The following ZNF627 variants were observed in gnomAD, a reference collection of about 807,000 sequenced individuals.
The protein encoded by ZNF627 is zinc finger protein 627.
ZNF627 carries 12 observed loss-of-function variants against 10.6 expected under a neutral mutation model. The observed-to-expected ratio is 1.13, with a 90% CI of 0.73 to 1.84. The LOEUF (loss-of-function observed/expected upper bound fraction) is 1.84, where lower values mean the gene tolerates loss of function less well. Among genes scored for constraint, ZNF627 ranks in the 40% most tolerant of loss-of-function variants. The pLI, the probability that ZNF627 is intolerant of heterozygous loss-of-function variation, is 0.00. For missense variants in ZNF627, 504 were observed against 568.4 expected (o/e 0.89, Z 1.15); for synonymous variants, 176 against 187.1 (o/e 0.94, Z 0.48).
At chr19:11,608,182 A>G (rs1484907377) in intron 1 of ZNF627, among the ~76,000 whole-genome samples, 5 of 152,192 alleles carry the variant, frequency 3.3e-5, no homozygotes, top group Non-Finnish European at 7.3e-5. Context: ...AGAACTCACT[A>G]TCATGAGAAC....
In ZNF627 at chr19:11,613,916, ATTTT is replaced by A. The variant is rs35877992; in HGVS notation, c.4-591_4-588del. 1.5e-3 allele frequency among the ~76,000 whole-genome samples: 143 copies of A among 92,488 alleles called. 1 individual carries two copies. The highest frequency in any genetic ancestry group is 3.5e-3 in the African/African-American group (74 of 20,976). 60.7% of individuals were successfully genotyped at this position (92,488 alleles called of 152,430 possible). ...CTTTTTTCTGCACTCTAGTTACTAG[ATTTT>A]TTTTTTTTTTTTTTTTTTTGAGACG... is the stretch of plus-strand genomic sequence containing the variant. On this transcript the variant is annotated intron_variant, in intron 1 of 3. Coordinates refer to ENST00000361113, the MANE Select transcript of ZNF627 (RefSeq NM_145295.4).
rs142459377 is a variant in ZNF627, at chr19:11,608,522, G to C, written c.4-6005G>C. ...CTTTTTGTCAGTGTATATTTTACAT[G>C]AGACAAAAGCTATTCAAGTGGTGAG... On this transcript the variant is annotated intron_variant, in intron 1 of 3. Transcript: ENST00000361113. Among the ~76,000 whole-genome samples the C allele has an allele frequency of 2.0e-3, 297 of 152,196 alleles. 2 individuals carry two copies. The highest frequency in any genetic ancestry group is 7.0e-3 in the African/African-American group (291 of 41,534).
intron 1 of ZNF627, among the ~76,000 whole-genome samples, chr19:11,598,297 G>A (rs1426851584): frequency 6.6e-6 from 1 of 152,154 alleles, no homozygotes; most frequent in African/African-American, 2.4e-5. Context: ...GCTTTTGGAG[G>A]CCAAGACAGG....
intron 1 of ZNF627, among the ~76,000 whole-genome samples, chr19:11,603,627 A>G (rs1034409401): frequency 6.6e-6 from 1 of 151,826 alleles, no homozygotes; most frequent in East Asian, 1.9e-4. Context: ...ATCATCCTAT[A>G]TGTTATATTG....
At chr19:11,610,885 C>T (rs1973761828) in intron 1 of ZNF627, among the ~76,000 whole-genome samples, 1 of 152,136 alleles carries the variant, frequency 6.6e-6, no homozygotes, top group African/African-American at 2.4e-5. Flanking sequence ...CTGAGTCTTG[C>T]TCTGTTGGCC....
chr19:11,609,029 C>G (rs1448493880), intron 1 of ZNF627, among the ~76,000 whole-genome samples: 1 of 152,046 alleles, frequency 6.6e-6, no homozygotes, highest in Non-Finnish European at 1.5e-5. Flanking sequence ...TGCCACCATG[C>G]TCAGCTAATA....
chr19:11,614,778 T>C (rs201630792), intron 2 of ZNF627, 49 bp from the exon 3 acceptor site: 1 of 1,587,888 alleles, frequency 6.3e-7, no homozygotes, highest in East Asian at 2.3e-5. Context: ...AATACTTTTT[T>C]CATAATTTTA....
At chr19:11,602,560 A>G (rs1034748351) in intron 1 of ZNF627, among the ~76,000 whole-genome samples, 1 of 152,070 alleles carries the variant, frequency 6.6e-6, no homozygotes, top group African/African-American at 2.4e-5. Context: ...ATTTATATGC[A>G]GTTGCTGAGA....
chr19:11,610,111 G>C (rs1055407824), intron 1 of ZNF627, among the ~76,000 whole-genome samples: 18 of 147,138 alleles, frequency 1.2e-4, no homozygotes, highest in East Asian at 1.0e-3. Flanking sequence ...GAGTGCAGTG[G>C]CACAATCTCA....
intron 1 of ZNF627, among the ~76,000 whole-genome samples, chr19:11,605,264 T>G (rs1357110985): frequency 6.6e-6 from 1 of 151,654 alleles, no homozygotes; most frequent in Non-Finnish European, 1.5e-5. Flanking sequence ...TTTTTGTATT[T>G]TTAGTAGAGA....
At chr19:11,608,409 C>CT (rs1450936741) in intron 1 of ZNF627, among the ~76,000 whole-genome samples, 1 of 152,150 alleles carries the variant, frequency 6.6e-6, no homozygotes, top group Non-Finnish European at 1.5e-5. Flanking sequence ...TCAATTATGT[C>CT]TCCCCCATGC....
Position 11,616,764 on chromosome 19 carries a change from AGATGGTATTCTGAACAAGAAAACTCCTG to A in ZNF627, c.264_291del (p.Asp88GlufsTer2). ...GTGAAGAAACCTTCAGCCAGATTCC[AGATGGTATTCTGAACAAGAAAACTCCTG>A]GAGTAAAACCGTGTGAAAGCAGTGT... On this transcript the variant is annotated frameshift_variant, in exon 4 of 4. Coordinates refer to ENST00000361113, the MANE Select transcript of ZNF627 (RefSeq NM_145295.4). LOFTEE classifies it low-confidence loss of function (END_TRUNC). 6.2e-7 allele frequency: 1 copy of A among 1,613,602 alleles called. No individual in the cohort carries two copies. Among genetic ancestry groups the A allele is most frequent in the Admixed American group, 1.7e-5 (1 of 59,996 alleles).
intron 1 of ZNF627, among the ~76,000 whole-genome samples, chr19:11,605,183 A>G (rs567151595): frequency 9.0e-5 from 13 of 144,460 alleles, no homozygotes; most frequent in African/African-American, 3.4e-4. Flanking sequence ...TCCCAGGTTC[A>G]AGCAATTCTC....
chr19:11,603,999 G>A (rs564097833), intron 1 of ZNF627, among the ~76,000 whole-genome samples: 1 of 151,278 alleles, frequency 6.6e-6, no homozygotes, highest in East Asian at 2.0e-4. Flanking sequence ...GGTAGATGGG[G>A]GTCTCACTAT....
Position 11,617,275 on chromosome 19 carries a change from A to G in ZNF627, c.772A>G (p.Lys258Glu). 6.2e-7 allele frequency: 1 copy of G among 1,614,008 alleles called. No individual in the cohort carries two copies. The highest frequency in any genetic ancestry group is 2.2e-5 in the East Asian group (1 of 44,880). The stretch of plus-strand genomic sequence containing the variant: ...ACCCTATGAATGCAAGCAGTGTGGG[A>G]AAGCTTTCAGTTGTTCCAAGTACAT... ...DKPYECKQCG[K>E]AFSCSKYIRI... Residue 258 changes from lysine (K) to glutamate (E), a missense_variant, in exon 4 of 4, where the codon AAA becomes GAA. Physicochemically the swap from Lys to Glu is moderately conservative, Grantham distance 56 (BLOSUM62 1). Coordinates refer to ENST00000361113, the MANE Select transcript of ZNF627 (RefSeq NM_145295.4).
intron 2 of ZNF627, 76 bp downstream of exon 2, chr19:11,614,729 A>T: frequency 6.2e-7 from 1 of 1,608,836 alleles, no homozygotes; most frequent in Non-Finnish European, 8.5e-7. Flanking sequence ...TTGGGGAATA[A>T]ACCAGGCATG....
At chr19:11,605,962 G>A (rs1373552795) in intron 1 of ZNF627, among the ~76,000 whole-genome samples, 1 of 152,150 alleles carries the variant, frequency 6.6e-6, no homozygotes, top group Non-Finnish European at 1.5e-5. Flanking sequence ...CATTCCAAAT[G>A]GGAGAAATTG....
At chr19:11,609,474 TATATATATATATA>T in intron 1 of ZNF627, among the ~76,000 whole-genome samples, 1 of 6,170 alleles carries the variant, frequency 1.6e-4, no homozygotes, top group South Asian at 6.4e-3. Context: ...AAAAATTTTA[TATATATATATATA>T]TATATATATA....
chr19:11,619,110 GTAA>G lies in ZNF627; in HGVS notation c.*1229_*1231del, dbSNP rs1394459730. On this transcript the variant is annotated 3_prime_UTR_variant, in exon 4 of 4. Coordinates refer to ENST00000361113, the MANE Select transcript of ZNF627 (RefSeq NM_145295.4). ...GTTGTCAAAGAGGGTGTAATAAACTGTAATAATAATCATGACCACAAACCATAA... is the reference window on the plus strand; with the variant it reads ...GTTGTCAAAGAGGGTGTAATAAACTGTAATAATCATGACCACAAACCATAA... The G allele has an allele frequency of 3.9e-5, 6 of 152,068 alleles. No homozygotes were observed. The highest frequency in any genetic ancestry group is 1.4e-4 in the African/African-American group (6 of 41,408). 9.4% of individuals were successfully genotyped at this position (152,068 alleles called of 1,614,324 possible).
Sources: gnomAD v4.1 joint callset for allele counts (sites outside exome capture counted in the v4.1 genomes callset) on GRCh38, gnomAD v4.1.1 for gene constraint, MANE v1.5 for transcripts, NCBI Gene and HGNC (gene_info 2026-07-23, HGNC 2026-07-21) for gene names.